BPGM: variants seen among roughly 807,000 people sequenced by gnomAD.
The protein encoded by BPGM is bisphosphoglycerate mutase.
A neutral mutation model predicts 21.6 loss-of-function variants in BPGM; 15 were observed. The ratio of observed to expected loss-of-function variants is 0.70; its 90% CI spans 0.47 to 1.07. BPGM has a LOEUF of 1.07. BPGM is among the 50% of genes least tolerant of loss of function. BPGM has a pLI of 0.00. For synonymous variants in BPGM, 113 were observed against 116.2 expected, an observed-to-expected ratio of 0.97 and a Z score of 0.18; for missense variants, 273 against 319.0, an observed-to-expected ratio of 0.86 and a Z score of 1.10.
chr7:134,673,073 C>T (rs2131457764), intron 2 of BPGM, among the ~76,000 whole-genome samples: 1 of 152,200 alleles, frequency 6.6e-6, no homozygotes, highest in African/African-American at 2.4e-5. Context: ...ACTCTGGAGG[C>T]TGAGGCAGGA....
intron 2 of BPGM, among the ~76,000 whole-genome samples, chr7:134,669,455 T>C (rs534920141): frequency 1.3e-3 from 191 of 152,324 alleles, no homozygotes; most frequent in African/African-American, 4.4e-3. Flanking sequence ...TTAGCCTTAA[T>C]TGGGCCTTCC....
Position 134,678,852 on chromosome 7 carries a change from G to C in BPGM, c.602-1G>C, listed in dbSNP as rs1312719452. 1 of 1,613,386 alleles carries C rather than the reference G, an allele frequency of 6.2e-7. No individual in the cohort carries two copies. ...TGGTCTCTTCCTGTCCTGATCAACA[G>C]GTATCTCAGATGAAGACATCATCAA... On this transcript the variant is annotated splice_acceptor_variant, in intron 2 of 2. Transcript: ENST00000344924. LOFTEE classifies it high-confidence loss of function.
At chr7:134,660,670 A>G (rs1795716524) in intron 1 of BPGM, 1 of 152,334 alleles carries the variant, frequency 6.6e-6, no homozygotes, top group African/African-American at 2.4e-5. Context: ...TGCCTACCAG[A>G]TCTGTTTGTA....
At chr7:134,678,447 A>G (rs2131468048) in intron 2 of BPGM, among the ~76,000 whole-genome samples, 1 of 152,318 alleles carries the variant, frequency 6.6e-6, no homozygotes, top group South Asian at 2.1e-4. Context: ...AAAAGTCCTA[A>G]TTTTAGTACC....
intron 2 of BPGM, among the ~76,000 whole-genome samples, chr7:134,663,342 T>C (rs1234381636): frequency 1.3e-5 from 2 of 151,636 alleles, no homozygotes; most frequent in African/African-American, 4.9e-5. Flanking sequence ...ATACTAAAAT[T>C]TTATTGGCTA....
chr7:134,670,592 A>G (rs1055671482), intron 2 of BPGM, among the ~76,000 whole-genome samples: 1 of 151,464 alleles, frequency 6.6e-6, no homozygotes, highest in Non-Finnish European at 1.5e-5. Flanking sequence ...ATCTTTACAT[A>G]TATAGTATTC....
chr7:134,679,245 C>T lies in BPGM; in HGVS notation c.*214C>T, dbSNP rs1423934181. On this transcript the variant is annotated 3_prime_UTR_variant, in exon 3 of 3. Transcript: ENST00000344924. ...CCTTATGAGTTAGCTTTCTTGCTAG[C>T]CCCCTAGTCGGTCACCAAACTAGTA... The T allele has an allele frequency of 2.4e-5, 14 of 575,940 alleles. 1 individual carries two copies. The South Asian group carries it at 3.0e-4, about 12-fold the overall frequency. 35.7% of individuals were successfully genotyped at this position (575,940 alleles called of 1,614,324 possible).
intron 1 of BPGM, among the ~76,000 whole-genome samples, chr7:134,654,261 C>T (rs577442893): frequency 6.6e-6 from 1 of 152,270 alleles, no homozygotes; most frequent in South Asian, 2.1e-4. Context: ...ATTGGTCAGG[C>T]TAGGGCGACT....
chr7:134,665,649 G>GAAAAAAAAAAAAAAAAAAAAAAAAT (rs1164169964), intron 2 of BPGM, among the ~76,000 whole-genome samples: 1 of 78,192 alleles, frequency 1.3e-5, no homozygotes, highest in Non-Finnish European at 3.1e-5. Context: ...AAAAATTAAT[G>GAAAAAAAAAAAAAAAAAAAAAAAAT]AAAAAAAAAA....
chr7:134,661,392 T>C lies in BPGM; in HGVS notation c.-61-55T>C. Reference sequence around the variant, plus strand: ...ATTGGGTGTTGTAAAGCGATGTTTCTATTCCTAGATTGTCAGTTGAATATA... The same window carrying C: ...ATTGGGTGTTGTAAAGCGATGTTTCCATTCCTAGATTGTCAGTTGAATATA... On this transcript the variant is annotated intron_variant, in intron 1 of 2. Transcript: ENST00000344924. The surrounding 1 kb of genome is among the most constrained non-coding windows in gnomAD (Gnocchi z 4.6). 1 of 1,472,916 alleles carries C rather than the reference T, an allele frequency of 6.8e-7. No homozygotes were observed. The allele number at this position is 1,472,916 out of a possible 1,614,324, so 91.2% of individuals were successfully genotyped here.
At chr7:134,649,397 C>T (rs1211102204) in intron 1 of BPGM, among the ~76,000 whole-genome samples, 1 of 152,104 alleles carries the variant, frequency 6.6e-6, no homozygotes, top group African/African-American at 2.4e-5. Flanking sequence ...AGTCTTTCTT[C>T]CTCTTTTGCC....
chr7:134,671,946 C>T (rs998978951), intron 2 of BPGM, among the ~76,000 whole-genome samples: 20 of 152,124 alleles, frequency 1.3e-4, no homozygotes, highest in African/African-American at 4.6e-4. Context: ...GCACAAGCAC[C>T]TCTACCAGGA....
chr7:134,660,965 T>C (rs1210169113), intron 1 of BPGM, among the ~76,000 whole-genome samples: 1 of 152,200 alleles, frequency 6.6e-6, no homozygotes, highest in Admixed American at 6.5e-5. Context: ...ATAACATGTT[T>C]AATAACTTCT....
At chr7:134,678,746 GT>G in intron 2 of BPGM, 106 bp from the exon 3 acceptor site, 2 of 1,131,884 alleles carry the variant, frequency 1.8e-6, no homozygotes, top group Non-Finnish European at 2.7e-6. Flanking sequence ...GTACCTGCAT[GT>G]TTCAGGCACA....
intron 2 of BPGM, among the ~76,000 whole-genome samples, chr7:134,673,467 T>C (rs1795938416): frequency 6.6e-6 from 1 of 152,216 alleles, no homozygotes; most frequent in Admixed American, 6.5e-5. Flanking sequence ...AGTGCTGCTA[T>C]TAAACAGGGG....
At chr7:134,652,278 A>C (rs1474556985) in intron 1 of BPGM, among the ~76,000 whole-genome samples, 1 of 152,228 alleles carries the variant, frequency 6.6e-6, no homozygotes, top group Non-Finnish European at 1.5e-5. Flanking sequence ...CAGCTAGGCC[A>C]ATATCGGCAT....
At position 134,646,875 on chromosome 7, in the gene BPGM, C is replaced by G. The variant is rs2303314; in HGVS notation, c.-124C>G. ...AGTGATGAGTCCTAGGAGGCGCTGG[C>G]TCTTTGGCGGCTCGGAGGAGCGGCT... On this transcript the variant is annotated 5_prime_UTR_variant, in exon 1 of 3. Coordinates refer to ENST00000344924, the MANE Select transcript of BPGM (RefSeq NM_001724.5). 10 of 186,612 alleles carry G rather than the reference C, an allele frequency of 5.4e-5. No homozygotes were observed. The East Asian group carries it at 1.7e-3, about 32-fold the overall frequency. 11.6% of individuals were successfully genotyped at this position (186,612 alleles called of 1,614,324 possible). A position where few individuals can be genotyped will look rare whatever the true frequency, so the allele number is the denominator to read the frequency against.
chr7:134,676,707 C>T (rs192393855), intron 2 of BPGM, among the ~76,000 whole-genome samples: 166 of 152,286 alleles, frequency 1.1e-3, no homozygotes, highest in Admixed American at 2.1e-3. Context: ...ACATGTTCTT[C>T]CACAGAGTAC....
intron 2 of BPGM, among the ~76,000 whole-genome samples, chr7:134,670,205 AGACTTGATCC>A (rs1255116567): frequency 1.3e-5 from 2 of 152,222 alleles, no homozygotes; most frequent in Non-Finnish European, 2.9e-5. Flanking sequence ...CATGCAAGAC[AGACTTGATCC>A]CTGAAGACCT....
Sources: allele counts gnomAD v4.1 joint callset (sites outside exome capture counted in the v4.1 genomes callset), GRCh38; gene constraint gnomAD v4.1.1; non-coding constraint Gnocchi (gnomAD v3.1); transcripts MANE v1.5; gene names NCBI Gene and HGNC (gene_info 2026-07-23, HGNC 2026-07-21).